The following ABCC6 variants were observed in gnomAD, a reference collection of about 807,000 sequenced individuals.
The protein encoded by ABCC6 is ATP binding cassette subfamily C member 6.
Under a neutral mutation model 169.5 loss-of-function variants are expected in ABCC6, and 126 were observed. The ratio of observed to expected loss-of-function variants is 0.74; its 90% CI spans 0.64 to 0.86. The LOEUF is 0.86. Ranked by LOEUF, ABCC6 falls within the 40% of genes least tolerant of loss-of-function variation. The pLI, the probability that ABCC6 is intolerant of heterozygous loss-of-function variation, is 0.00. For missense variants in ABCC6, 1,733 were observed against 1,927.2 expected (o/e 0.90, Z 1.89); for synonymous variants, 752 against 814.7 (o/e 0.92, Z 1.31).
chr16:16,204,648 T>A (rs1270497962), intron 7 of ABCC6, among the ~76,000 whole-genome samples: 1 of 151,542 alleles, frequency 6.6e-6, no homozygotes, highest in African/African-American at 2.4e-5. Flanking sequence ...GTGAGGCAGG[T>A]CAGAAGCCCT....
intron 14 of ABCC6, among the ~76,000 whole-genome samples, chr16:16,186,197 A>G (rs1187816303): frequency 6.6e-6 from 1 of 152,094 alleles, no homozygotes; most frequent in Non-Finnish European, 1.5e-5. Flanking sequence ...TAAAAGAAGG[A>G]TGGGGTGGAG....
chr16:16,190,017 C>G (rs1162999146), intron 12 of ABCC6, 147 bp downstream of exon 12: 4 of 804,396 alleles, frequency 5.0e-6, no homozygotes, highest in Non-Finnish European at 8.1e-6. Context: ...TAGAAGACAG[C>G]AGGGACCCAG....
intron 22 of ABCC6, among the ~76,000 whole-genome samples, chr16:16,169,117 T>A (rs1487918482): frequency 6.6e-6 from 1 of 152,090 alleles, no homozygotes; most frequent in East Asian, 1.9e-4. Flanking sequence ...AAATAAATAA[T>A]TGAGATCCAT....
chr16:16,208,654 G>C (rs1172564297), intron 7 of ABCC6, 74 bp downstream of exon 7: 1 of 1,611,292 alleles, frequency 6.2e-7, no homozygotes, highest in African/African-American at 1.3e-5. Flanking sequence ...TTACAGTCGT[G>C]AGCCACCGCA....
At chr16:16,157,224 A>C (rs1164817084) in intron 27 of ABCC6, among the ~76,000 whole-genome samples, 3 of 152,142 alleles carry the variant, frequency 2.0e-5, no homozygotes, top group Non-Finnish European at 4.4e-5. Flanking sequence ...CTATGTATTA[A>C]CTCAAACTTC....
In ABCC6 at chr16:16,153,797, G is replaced by A. The variant is rs1319904600; in HGVS notation, c.4208+831C>T. Among the ~76,000 whole-genome samples, 7 of 151,634 alleles carry A rather than the reference G, an allele frequency of 4.6e-5. No individual in the cohort carries two copies. In the East Asian group the frequency reaches 1.2e-3, roughly 26 times the overall value. On this transcript the variant is annotated intron_variant, in intron 29 of 30. Transcript: ENST00000205557. The stretch of plus-strand genomic sequence containing the variant: ...CTCACACCTGTAACCCCAGCTACTC[G>A]GGAGGCTGAGGTGGGAGGAATGCTT...
At position 16,219,910 on chromosome 16, in the gene ABCC6, C is replaced by G. The variant is rs1380838743; in HGVS notation, c.257G>C (p.Ser86Thr). 6.6e-7 allele frequency: 1 copy of G among 1,510,110 alleles called. No individual in the cohort carries two copies. Among genetic ancestry groups the G allele is most frequent in the Middle Eastern group, 2.3e-4 (1 of 4,284 alleles). 93.5% of individuals were successfully genotyped at this position (1,510,110 alleles called of 1,614,324 possible). Residue 86 changes from serine to threonine, a missense_variant, in exon 3 of 31, where the codon AGC becomes ACC. Physicochemically the swap from Ser to Thr is moderately conservative, Grantham distance 58. This residue lies in a region of ABCC6 where 17 missense variants were observed against 108.1 expected (regional missense o/e 0.16). Transcript: ENST00000205557. ...GATTTTCCAAAGAGCGACAGCCACG[C>G]TGGAGGTACACAGGACTATGAGGGC... is the stretch of plus-strand genomic sequence containing the variant. ...GFALIVLCTS[S>T]VAVALWKIQQ...
intron 22 of ABCC6, among the ~76,000 whole-genome samples, chr16:16,166,789 G>A (rs373111964): frequency 6.6e-6 from 1 of 152,132 alleles, no homozygotes; most frequent in Admixed American, 6.6e-5. Context: ...TACTCAGGAG[G>A]CTGAGTCAGG....
At position 16,195,213 on chromosome 16, in the gene ABCC6, A is replaced by T. The variant is rs556014640; in HGVS notation, c.1339-2291T>A. On this transcript the variant is annotated intron_variant, in intron 10 of 30. Transcript: ENST00000205557. ...CCTCCTTCACCAAGACCTCACGGTGATGTTAGGAACTGTCTACCAAGAGGC... is the reference window on the plus strand; with the variant it reads ...CCTCCTTCACCAAGACCTCACGGTGTTGTTAGGAACTGTCTACCAAGAGGC... 5.3e-5 allele frequency among the ~76,000 whole-genome samples: 8 copies of T among 150,506 alleles called. No homozygotes were observed. In the South Asian group the frequency reaches 1.5e-3, roughly 28 times the overall value.
chr16:16,175,937 G>A lies in ABCC6; in HGVS notation c.2640C>T (p.Gly880=). ...STKDPRGTSA[G]RRPELRRERS... ...TCTCGCGTCTAAGCTCGGGCCTCCT[G>A]CCTGCAGAGGTGCCTCTGGGGTCCT... Residue 880 remains glycine (G), a synonymous_variant, in exon 20 of 31, where the codon GGC becomes GGT. Transcript: ENST00000205557. The A allele has an allele frequency of 6.2e-7, 1 of 1,614,174 alleles. No homozygotes were observed. Among genetic ancestry groups the A allele is most frequent in the South Asian group, 1.1e-5 (1 of 91,084 alleles).
intron 19 of ABCC6, among the ~76,000 whole-genome samples, chr16:16,176,870 T>G (rs571254781): frequency 6.6e-6 from 1 of 152,232 alleles, no homozygotes; most frequent in South Asian, 2.1e-4. Context: ...AGGGGCATTA[T>G]GTTGATTAAA....
chr16:16,191,038 T>C (rs1324364755), intron 11 of ABCC6, among the ~76,000 whole-genome samples: 1 of 150,156 alleles, frequency 6.7e-6, no homozygotes, highest in Admixed American at 6.7e-5. Flanking sequence ...CTTGGCACTT[T>C]AAAGTCAGGC....
At chr16:16,201,017 G>A (rs1203826820) in intron 9 of ABCC6, among the ~76,000 whole-genome samples, 1 of 152,022 alleles carries the variant, frequency 6.6e-6, no homozygotes, top group Admixed American at 6.5e-5. Flanking sequence ...CCCAGGCTGC[G>A]CTGTAGTGGC....
intron 26 of ABCC6, among the ~76,000 whole-genome samples, chr16:16,159,218 C>T (rs1366409326): frequency 2.0e-5 from 3 of 152,076 alleles, no homozygotes; most frequent in African/African-American, 7.2e-5. Context: ...CAATGCTGTT[C>T]CTTGTGGTTC....
chr16:16,169,861 A>G lies in ABCC6; in HGVS notation c.2788-8T>C, dbSNP rs2047003090. ...GTGCACTGTGGCCTTCACCTGTAGCACACATGAGGGAGAGGGAGGCAGAGA... is the reference window on the plus strand; with the variant it reads ...GTGCACTGTGGCCTTCACCTGTAGCGCACATGAGGGAGAGGGAGGCAGAGA... On this transcript the variant is annotated splice_region_variant and splice_polypyrimidine_tract_variant and intron_variant, in intron 21 of 30. Coordinates refer to ENST00000205557, the MANE Select transcript of ABCC6 (RefSeq NM_001171.6). 6.4e-7 allele frequency: 1 copy of G among 1,551,336 alleles called. No homozygotes were observed. The highest frequency in any genetic ancestry group is 8.7e-7 in the Non-Finnish European group (1 of 1,147,616).
chr16:16,200,266 C>G (rs1259237541), intron 9 of ABCC6, among the ~76,000 whole-genome samples: 2 of 151,576 alleles, frequency 1.3e-5, no homozygotes, highest in Non-Finnish European at 2.9e-5. Flanking sequence ...ACCCTGTCTA[C>G]TAAAAATACA....
At chr16:16,178,516 A>G (rs962016250) in intron 18 of ABCC6, among the ~76,000 whole-genome samples, 9 of 152,052 alleles carry the variant, frequency 5.9e-5, no homozygotes, top group African/African-American at 2.2e-4. Flanking sequence ...CTGTGTCTCA[A>G]AACAAGAAGA....
At chr16:16,159,636 G>A in intron 25 of ABCC6, 53 bp from the exon 26 acceptor site, 4 of 1,538,554 alleles carry the variant, frequency 2.6e-6, no homozygotes, top group East Asian at 2.3e-5. Flanking sequence ...TTGAGGGCTT[G>A]CAACAGCCCC....
At chr16:16,191,463 G>C (rs1261999637) in intron 11 of ABCC6, among the ~76,000 whole-genome samples, 2 of 152,128 alleles carry the variant, frequency 1.3e-5, no homozygotes, top group Non-Finnish European at 2.9e-5. Context: ...TTTTAGAGGA[G>C]TCCACGCAGG....
Sources: allele counts gnomAD v4.1 joint callset (sites outside exome capture counted in the v4.1 genomes callset), GRCh38; gene constraint gnomAD v4.1.1; regional missense constraint gnomAD v4.1.1; transcripts MANE v1.5; gene names NCBI Gene and HGNC (gene_info 2026-07-23, HGNC 2026-07-21).